Variants in PLCXD3 observed in about 807,000 individuals in gnomAD.
The protein encoded by PLCXD3 is PI-PLC X domain-containing protein 3.
A neutral mutation model predicts 25.5 loss-of-function variants in PLCXD3; 19 were observed. That is an observed-to-expected ratio of 0.75 (90% CI 0.52 to 1.09). The LOEUF (loss-of-function observed/expected upper bound fraction) is 1.09, where lower values mean the gene tolerates loss of function less well. PLCXD3 is among the 50% of genes least tolerant of loss of function. The pLI, the probability that PLCXD3 is intolerant of heterozygous loss-of-function variation, is 0.00. For missense variants in PLCXD3, 411 were observed against 388.1 expected, an observed-to-expected ratio of 1.06 and a Z score of -0.50; for synonymous variants, 174 against 137.6, an observed-to-expected ratio of 1.26 and a Z score of -1.85.
intron 1 of PLCXD3, among the ~76,000 whole-genome samples, chr5:41,440,518 C>A (rs1166552782): frequency 6.6e-6 from 1 of 151,898 alleles, no homozygotes; most frequent in East Asian, 1.9e-4. Context: ...CAGGTGTGAG[C>A]CGCCAGGCCC....
chr5:41,410,733 T>C lies in PLCXD3; in HGVS notation c.104-28199A>G, dbSNP rs528442641. On this transcript the variant is annotated intron_variant, in intron 1 of 2. Transcript: ENST00000377801. ...TAAAACTGAGCATCAACAGCAGCGG[T>C]TGAAAGAGAAGCAAACAAAAGTCAG... Among the ~76,000 whole-genome samples the C allele has an allele frequency of 3.3e-5, 5 of 152,138 alleles. No individual in the cohort carries two copies. In the East Asian group the frequency reaches 9.7e-4, roughly 29 times the overall value.
At chr5:41,485,513 C>T (rs1023501444) in intron 1 of PLCXD3, among the ~76,000 whole-genome samples, 6 of 152,164 alleles carry the variant, frequency 3.9e-5, no homozygotes, top group African/African-American at 1.4e-4. Flanking sequence ...TTTGCGGTGG[C>T]TTCCAGAACC....
chr5:41,446,537 C>CTT (rs11306494), intron 1 of PLCXD3, among the ~76,000 whole-genome samples: 2 of 145,666 alleles, frequency 1.4e-5, no homozygotes, highest in East Asian at 4.0e-4. Flanking sequence ...GTGCTAGTTT[C>CTT]TTTTTTTTTT....
intron 2 of PLCXD3, among the ~76,000 whole-genome samples, chr5:41,361,474 A>G (rs1055830550): frequency 5.3e-5 from 8 of 152,218 alleles, no homozygotes; most frequent in Non-Finnish European, 8.8e-5. Context: ...GCAAAAGTTC[A>G]TGATGTGAGT....
chr5:41,323,354 C>T (rs2150470819), intron 2 of PLCXD3, among the ~76,000 whole-genome samples: 1 of 152,250 alleles, frequency 6.6e-6, no homozygotes, highest in East Asian at 1.9e-4. Context: ...TTTAAAATAA[C>T]TTAAAAAGTG....
At position 41,453,261 on chromosome 5, in the gene PLCXD3, A is replaced by G. The variant is rs184333622; in HGVS notation, c.103+57163T>C. ...TATATGCCATTCCATTTTCTGCCAG[A>G]AAGCCTATCATATTCTTATGCCAAA... On this transcript the variant is annotated intron_variant, in intron 1 of 2. Transcript: ENST00000377801. Among the ~76,000 whole-genome samples the G allele has an allele frequency of 1.3e-3, 202 of 152,050 alleles. 1 individual carries two copies. The highest frequency in any genetic ancestry group is 4.1e-3 in the Admixed American group (62 of 15,250).
chr5:41,387,788 T>A (rs1745683698), intron 1 of PLCXD3, among the ~76,000 whole-genome samples: 1 of 152,148 alleles, frequency 6.6e-6, no homozygotes, highest in South Asian at 2.1e-4. Context: ...GCTGTTATTA[T>A]GCTAAGTATA....
chr5:41,472,102 T>C (rs1580390273), intron 1 of PLCXD3, among the ~76,000 whole-genome samples: 1 of 151,012 alleles, frequency 6.6e-6, no homozygotes, highest in East Asian at 1.9e-4. Context: ...ATAATTTAAA[T>C]CTGGATATAT....
intron 1 of PLCXD3, among the ~76,000 whole-genome samples, chr5:41,509,266 C>G (rs1202981220): frequency 6.6e-6 from 1 of 152,068 alleles, no homozygotes; most frequent in Non-Finnish European, 1.5e-5. Context: ...GTTTAATAGC[C>G]CAGCTCAGCT....
chr5:41,480,095 T>C (rs1480735309), intron 1 of PLCXD3, among the ~76,000 whole-genome samples: 2 of 152,258 alleles, frequency 1.3e-5, no homozygotes, highest in African/African-American at 4.8e-5. Flanking sequence ...GGATACGAGC[T>C]GAAGCTTTTC....
At chr5:41,372,511 C>T (rs1745132581) in intron 2 of PLCXD3, among the ~76,000 whole-genome samples, 1 of 151,996 alleles carries the variant, frequency 6.6e-6, no homozygotes, top group African/African-American at 2.4e-5. Context: ...TTTTTATGTG[C>T]ACTCTTATTT....
chr5:41,479,342 G>A (rs977024862), intron 1 of PLCXD3, among the ~76,000 whole-genome samples: 1 of 152,266 alleles, frequency 6.6e-6, no homozygotes, highest in Non-Finnish European at 1.5e-5. Flanking sequence ...GGAAGAATGA[G>A]GAGGAGTTAG....
At chr5:41,324,564 A>C (rs1188612992) in intron 2 of PLCXD3, among the ~76,000 whole-genome samples, 1 of 152,176 alleles carries the variant, frequency 6.6e-6, no homozygotes, top group Non-Finnish European at 1.5e-5. Context: ...TTTAGAAGAT[A>C]ATTCTATCTT....
At chr5:41,353,268 AT>A (rs11366152) in intron 2 of PLCXD3, among the ~76,000 whole-genome samples, 10,854 of 139,866 alleles carry the variant, frequency 0.078, 1,277 homozygotes, top group African/African-American at 0.26. Flanking sequence ...AATTTTCTGT[AT>A]TTTTTTTTTT....
At chr5:41,482,324 C>G (rs1189991152) in intron 1 of PLCXD3, among the ~76,000 whole-genome samples, 3 of 152,026 alleles carry the variant, frequency 2.0e-5, no homozygotes, top group East Asian at 1.9e-4. Context: ...ATGGTGCTAC[C>G]GACCCTATCC....
chr5:41,455,977 T>C (rs1747743905), intron 1 of PLCXD3, among the ~76,000 whole-genome samples: 1 of 151,942 alleles, frequency 6.6e-6, no homozygotes, highest in South Asian at 2.1e-4. Flanking sequence ...TCATTTAAAA[T>C]ACAAGGTGTT....
At chr5:41,400,026 AAAG>A (rs1332363591) in intron 1 of PLCXD3, among the ~76,000 whole-genome samples, 1 of 152,172 alleles carries the variant, frequency 6.6e-6, no homozygotes, top group African/African-American at 2.4e-5. Context: ...AAAATGGACA[AAAG>A]AGCTGAATAG....
chr5:41,333,587 A>T (rs776769754), intron 2 of PLCXD3, among the ~76,000 whole-genome samples: 5 of 152,196 alleles, frequency 3.3e-5, no homozygotes, highest in Non-Finnish European at 7.3e-5. Context: ...CTGTGTAGGA[A>T]GCAGCATATC....
intron 1 of PLCXD3, among the ~76,000 whole-genome samples, chr5:41,496,809 A>G: frequency 6.8e-6 from 1 of 147,578 alleles, no homozygotes; most frequent in East Asian, 1.9e-4. Context: ...ATAATACTAT[A>G]ATGATATGTA....
Sources: gnomAD v4.1 joint callset for allele counts (sites outside exome capture counted in the v4.1 genomes callset) on GRCh38, gnomAD v4.1.1 for gene constraint, MANE v1.5 for transcripts, NCBI Gene and HGNC (gene_info 2026-07-23, HGNC 2026-07-21) for gene names.